FNIP1: variants seen among roughly 807,000 people sequenced by gnomAD.
The protein encoded by FNIP1 is folliculin-interacting protein 1.
A neutral mutation model predicts 124.5 loss-of-function variants in FNIP1; 40 were observed. The observed-to-expected ratio is 0.32, with a 90% CI of 0.25 to 0.42. FNIP1 has a LOEUF of 0.42. Ranked by LOEUF, FNIP1 falls within the 10% of genes least tolerant of loss-of-function variation. The pLI is 1.00. For missense variants in FNIP1, 1,176 were observed against 1,403.7 expected (o/e 0.84, Z 2.59); for synonymous variants, 472 against 470.6 (o/e 1.00, Z -0.04).
intron 3 of FNIP1, among the ~76,000 whole-genome samples, chr5:131,726,830 T>C (rs958641525): frequency 6.6e-6 from 1 of 152,208 alleles, no homozygotes; most frequent in Non-Finnish European, 1.5e-5. Flanking sequence ...AAACACTGCT[T>C]TAGCTGTGTC....
intron 1 of FNIP1, among the ~76,000 whole-genome samples, chr5:131,773,958 G>A (rs1420642611): frequency 6.6e-6 from 1 of 152,168 alleles, no homozygotes; most frequent in Non-Finnish European, 1.5e-5. Flanking sequence ...TAAAAAGAGG[G>A]AGCAGGGGGA....
intron 17 of FNIP1, 74 bp from the exon 18 acceptor site, chr5:131,644,837 C>A: frequency 7.0e-6 from 10 of 1,431,582 alleles, no homozygotes; most frequent in Non-Finnish European, 9.8e-6. Flanking sequence ...GCAATGACCA[C>A]CAACTGTAAG....
intron 11 of FNIP1, among the ~76,000 whole-genome samples, chr5:131,689,993 G>A (rs1768420149): frequency 6.6e-6 from 1 of 152,104 alleles, no homozygotes; most frequent in Non-Finnish European, 1.5e-5. Context: ...GGCCGAGGAG[G>A]GTGGATCGCG....
At chr5:131,710,752 A>C in intron 6 of FNIP1, 91 bp from the exon 7 acceptor site, 1 of 973,018 alleles carries the variant, frequency 1.0e-6, no homozygotes, top group Non-Finnish European at 1.5e-6. Flanking sequence ...AGGCAGCACA[A>C]GAGCAGACCA....
intron 13 of FNIP1, among the ~76,000 whole-genome samples, chr5:131,674,340 G>A (rs1233354366): frequency 6.6e-6 from 1 of 152,198 alleles, no homozygotes; most frequent in African/African-American, 2.4e-5. Context: ...AGCAGGGGAG[G>A]TGAGGGGGGC....
chr5:131,749,392 C>A (rs76718617), intron 1 of FNIP1, among the ~76,000 whole-genome samples: 3 of 133,100 alleles, frequency 2.3e-5, no homozygotes, highest in Non-Finnish European at 4.9e-5. Flanking sequence ...CACTTTTTAT[C>A]TTTTTTTTTT....
intron 11 of FNIP1, among the ~76,000 whole-genome samples, chr5:131,681,017 T>G (rs1768060045): frequency 6.6e-6 from 1 of 152,072 alleles, no homozygotes; most frequent in African/African-American, 2.4e-5. Flanking sequence ...TACGATACAG[T>G]ACTGAAAATT....
intron 14 of FNIP1, 57 bp from the exon 15 acceptor site, chr5:131,670,688 TAA>T (rs75570333): frequency 3.6e-3 from 3,454 of 950,900 alleles, no homozygotes; most frequent in South Asian, 6.4e-3. Context: ...ATTTAACCAG[TAA>T]AAAAAAAAAA....
At chr5:131,661,195 AC>A (rs1483179753) in intron 15 of FNIP1, among the ~76,000 whole-genome samples, 1 of 144,162 alleles carries the variant, frequency 6.9e-6, no homozygotes, top group Admixed American at 6.9e-5. Context: ...GCTTTGGGAG[AC>A]CTTCTGTCCG....
At chr5:131,734,540 A>T (rs1770219236) in intron 2 of FNIP1, among the ~76,000 whole-genome samples, 1 of 152,224 alleles carries the variant, frequency 6.6e-6, no homozygotes, top group African/African-American at 2.4e-5. Flanking sequence ...AGAATGGGAG[A>T]AAATTTTTGC....
intron 1 of FNIP1, among the ~76,000 whole-genome samples, chr5:131,764,030 G>A (rs1188666508): frequency 6.6e-6 from 1 of 152,038 alleles, no homozygotes; most frequent in Non-Finnish European, 1.5e-5. Flanking sequence ...TGCTGTCCTT[G>A]CGTGAGAGAG....
At chr5:131,654,913 T>G (rs1203153501) in intron 15 of FNIP1, among the ~76,000 whole-genome samples, 1 of 152,236 alleles carries the variant, frequency 6.6e-6, no homozygotes, top group African/African-American at 2.4e-5. Context: ...ATTTGTTTTT[T>G]ATAAAACAGT....
intron 1 of FNIP1, among the ~76,000 whole-genome samples, chr5:131,794,151 G>A (rs1304043470): frequency 7.0e-6 from 1 of 143,660 alleles, no homozygotes; most frequent in Non-Finnish European, 1.5e-5. Flanking sequence ...AGGATTACTA[G>A]AGCCCAGGAG....
chr5:131,718,986 G>A lies in FNIP1; in HGVS notation c.530C>T (p.Thr177Met), dbSNP rs778063141. 35 of 1,612,122 alleles carry A rather than the reference G, an allele frequency of 2.2e-5. No individual in the cohort carries two copies. Among genetic ancestry groups the A allele is most frequent in the East Asian group, 4.5e-5 (2 of 44,860 alleles). Residue 177 changes from threonine (T) to methionine (M), a missense_variant and splice_region_variant, in exon 5 of 18, where the codon ACG (threonine) becomes ATG (methionine). Physicochemically the swap from Thr to Met is moderately conservative, Grantham distance 81. This residue lies in a region of FNIP1 where 1,109 missense variants were observed against 1,288.5 expected (regional missense o/e 0.86). Transcript: ENST00000510461. The part of the protein sequence containing the change: ...TGSSICGSLN[T>M]LQDSLEFINQ... The stretch of plus-strand genomic sequence containing the variant: ...TCCCCCTGTATCCATAAGCACTTAC[G>A]TATTGAGACTCCCACAAATACTGCT...
At chr5:131,740,183 T>C (rs1173649329) in intron 2 of FNIP1, among the ~76,000 whole-genome samples, 1 of 152,252 alleles carries the variant, frequency 6.6e-6, no homozygotes, top group African/African-American at 2.4e-5. Context: ...GTTAAGTGTA[T>C]GCATAGGCAA....
At chr5:131,767,174 C>T (rs1771453680) in intron 1 of FNIP1, among the ~76,000 whole-genome samples, 1 of 152,024 alleles carries the variant, frequency 6.6e-6, no homozygotes, top group African/African-American at 2.4e-5. Context: ...TGGCTCACGC[C>T]TGTAATCCCA....
chr5:131,776,937 T>C (rs529584927), intron 1 of FNIP1, among the ~76,000 whole-genome samples: 1 of 152,278 alleles, frequency 6.6e-6, no homozygotes, highest in African/African-American at 2.4e-5. Context: ...TATACTTCAA[T>C]AAATTGTACT....
intron 3 of FNIP1, among the ~76,000 whole-genome samples, chr5:131,730,532 A>G (rs545428250): frequency 2.0e-5 from 3 of 152,346 alleles, no homozygotes; most frequent in East Asian, 3.9e-4. Context: ...CTTTTGAGAA[A>G]TAAAACTGTG....
intron 1 of FNIP1, among the ~76,000 whole-genome samples, chr5:131,752,050 C>A (rs549215528): frequency 6.6e-6 from 1 of 151,376 alleles, no homozygotes; most frequent in East Asian, 1.9e-4. Context: ...AGTTTGTATT[C>A]TTTTTTTTTG....
Sources: gnomAD v4.1 joint callset for allele counts (sites outside exome capture counted in the v4.1 genomes callset) on GRCh38, gnomAD v4.1.1 for gene constraint, gnomAD v4.1.1 regional missense constraint, MANE v1.5 for transcripts, NCBI Gene and HGNC (gene_info 2026-07-23, HGNC 2026-07-21) for gene names.